PABPN1: variants seen among roughly 807,000 people sequenced by gnomAD.
PABPN1 encodes poly(A) binding protein nuclear 1.
Under a neutral mutation model 33.4 loss-of-function variants are expected in PABPN1, and 5 were observed. The observed-to-expected ratio is 0.15, with a 90% CI of 0.08 to 0.32. The LOEUF is 0.32. Among genes scored for constraint, PABPN1 ranks in the 10% least tolerant of loss-of-function variants. PABPN1 has a pLI of 1.00. For synonymous variants in PABPN1, 176 were observed against 170.6 expected (o/e 1.03, Z -0.25); for missense variants, 312 against 425.8 (o/e 0.73, Z 2.35).
At chr14:23,322,412 A>G (rs1053026923) in intron 2 of PABPN1, 117 bp downstream of exon 2, 4 of 883,716 alleles carry the variant, frequency 4.5e-6, no homozygotes, top group African/African-American at 3.3e-5. Flanking sequence ...CTGAGCTATT[A>G]TGACTGTGCC....
chr14:23,325,151 C>T, intron 6 of PABPN1, 96 bp from the exon 7 acceptor site: 1 of 1,543,502 alleles, frequency 6.5e-7, no homozygotes, highest in Non-Finnish European at 8.9e-7. Flanking sequence ...TTCCCCCCTT[C>T]CCTTCACAGT....
At position 23,324,270 on chromosome 14, in the gene PABPN1, C is replaced by A. The variant is rs772278345; in HGVS notation, c.862C>A (p.Pro288Thr). 1.2e-6 allele frequency: 2 copies of A among 1,613,438 alleles called. No homozygotes were observed. Among genetic ancestry groups the A allele is most frequent in the South Asian group, 1.1e-5 (1 of 91,078 alleles). Residue 288 changes from proline to threonine, a missense_variant, in exon 6 of 7, where the codon CCC becomes ACC. Coordinates refer to ENST00000216727, the MANE Select transcript of PABPN1 (RefSeq NM_004643.4). ...SRFYSGFNSR[P>T]RGRVYRGRAR... ...ATTCTACAGTGGTTTTAACAGCAGGCCCCGGGGTCGCGTCTACAGGTCAGG... is the reference window on the plus strand; with the variant it reads ...ATTCTACAGTGGTTTTAACAGCAGGACCCGGGGTCGCGTCTACAGGTCAGG...
At position 23,325,707 on chromosome 14, in the gene PABPN1, C is replaced by G; in HGVS notation, c.*421C>G. 5.8e-6 allele frequency: 1 copy of G among 171,328 alleles called. No homozygotes were observed. Among genetic ancestry groups the G allele is most frequent in the South Asian group, 1.3e-4 (1 of 7,644 alleles). 10.6% of individuals were successfully genotyped at this position (171,328 alleles called of 1,614,324 possible). A position where few individuals can be genotyped will look rare whatever the true frequency, so the allele number is the denominator to read the frequency against. ...TGTTACCTTCCCTCCGTCTTCTCCT[C>G]GCCTTTCACAGTCCCCTCCTGCCTG... is the stretch of plus-strand genomic sequence containing the variant. On this transcript the variant is annotated 3_prime_UTR_variant, in exon 7 of 7. Transcript: ENST00000216727.
chr14:23,321,846 G>A (rs1379458918), intron 1 of PABPN1, 26 bp downstream of exon 1: 1 of 1,444,836 alleles, frequency 6.9e-7, no homozygotes, highest in Non-Finnish European at 9.1e-7. Context: ...CGAGCGAGCA[G>A]GCCGGCGGCT....
chr14:23,322,235 C>T lies in PABPN1; in HGVS notation c.406C>T (p.Leu136=), dbSNP rs150610606. Residue 136 remains leucine, a synonymous_variant, in exon 2 of 7, where the codon CTA becomes TTA. Transcript: ENST00000216727. ...GGAGATGGAGGAAGAAGCTGAGAAGCTAAAGGAGCTACAGAACGAGGTAGA... is the reference window on the plus strand; with the variant it reads ...GGAGATGGAGGAAGAAGCTGAGAAGTTAAAGGAGCTACAGAACGAGGTAGA... ...VREMEEEAEK[L]KELQNEVEKQ... 8.7e-6 allele frequency: 14 copies of T among 1,610,832 alleles called. No individual in the cohort carries two copies. The East Asian group carries it at 2.9e-4, about 33-fold the overall frequency.
rs984484698 is a variant in PABPN1, at chr14:23,326,001, T to G, written c.*715T>G. 6.6e-5 allele frequency: 10 copies of G among 152,418 alleles called. No homozygotes were observed. The highest frequency in any genetic ancestry group is 2.1e-4 in the South Asian group (1 of 4,816). The allele number at this position is 152,418 out of a possible 1,614,324, so 9.4% of individuals were successfully genotyped here. A position where few individuals can be genotyped will look rare whatever the true frequency, so the allele number is the denominator to read the frequency against. On this transcript the variant is annotated 3_prime_UTR_variant, in exon 7 of 7. Transcript: ENST00000216727. ...TCAGTTGTTTTGTTTTTTTGTTTTT[T>G]TTTTTTTTCCTTTGCCTTTTTTCCC...
chr14:23,322,710 C>T, intron 2 of PABPN1: 2 of 502,686 alleles, frequency 4.0e-6, no homozygotes, highest in East Asian at 3.7e-5. Context: ...TTTGCTCACT[C>T]TTAAAAGCAT....
At position 23,322,204 on chromosome 14, in the gene PABPN1, A is replaced by T. The variant is rs1888358829; in HGVS notation, c.375A>T (p.Arg125=). 1.2e-6 allele frequency: 2 copies of T among 1,610,014 alleles called. No homozygotes were observed. The highest frequency in any genetic ancestry group is 1.7e-6 in the Non-Finnish European group (2 of 1,178,234). Residue 125 remains arginine (R), a synonymous_variant, in exon 2 of 7, where the codon CGA becomes CGT. Coordinates refer to ENST00000216727, the MANE Select transcript of PABPN1 (RefSeq NM_004643.4). ...EDPELEAIKA[R]VREMEEEAEK... ...AGGAGCTGGAAGCTATCAAAGCTCGAGTCAGGGAGATGGAGGAAGAAGCTG... is the reference window on the plus strand; with the variant it reads ...AGGAGCTGGAAGCTATCAAAGCTCGTGTCAGGGAGATGGAGGAAGAAGCTG...
Position 23,321,465 on chromosome 14 carries a change from C to T in PABPN1, c.-5C>T. On this transcript the variant is annotated 5_prime_UTR_variant, in exon 1 of 7. Coordinates refer to ENST00000216727, the MANE Select transcript of PABPN1 (RefSeq NM_004643.4). ...GCCGGGCGGCGGGCCCCAGTCTGAG[C>T]GGCGATGGCGGCGGCGGCGGCGGCG... is the stretch of plus-strand genomic sequence containing the variant. 1.7e-6 allele frequency: 2 copies of T among 1,150,784 alleles called. No individual in the cohort carries two copies. The highest frequency in any genetic ancestry group is 4.2e-5 in the South Asian group (1 of 23,736). The allele number at this position is 1,150,784 out of a possible 1,614,324, so 71.3% of individuals were successfully genotyped here. A position where few individuals can be genotyped will look rare whatever the true frequency, so the allele number is the denominator to read the frequency against.
At chr14:23,325,100 T>C in intron 6 of PABPN1, 147 bp from the exon 7 acceptor site, 2 of 1,065,340 alleles carry the variant, frequency 1.9e-6, no homozygotes. Flanking sequence ...TTACTATTTC[T>C]GGGATCATGG....
At position 23,325,978 on chromosome 14, in the gene PABPN1, AGTT is replaced by A. The variant is rs1279975209; in HGVS notation, c.*696_*698del. 1.5e-5 allele frequency: 2 copies of A among 131,088 alleles called. No individual in the cohort carries two copies. Among genetic ancestry groups the A allele is most frequent in the Admixed American group, 8.0e-5 (1 of 12,566 alleles). The allele number at this position is 131,088 out of a possible 1,614,324, so 8.1% of individuals were successfully genotyped here. A position where few individuals can be genotyped will look rare whatever the true frequency, so the allele number is the denominator to read the frequency against. Reference sequence around the variant, plus strand: ...GGGTTTAGGGGTGTTTTTGTTTTTCAGTTGTTTTGTTTTTTTGTTTTTTTTTTT... The same window carrying A: ...GGGTTTAGGGGTGTTTTTGTTTTTCAGTTTTGTTTTTTTGTTTTTTTTTTT... On this transcript the variant is annotated 3_prime_UTR_variant, in exon 7 of 7. Transcript: ENST00000216727.
At position 23,321,541 on chromosome 14, in the gene PABPN1, G is replaced by A. The variant is rs1888266211; in HGVS notation, c.72G>A (p.Arg24=). The change falls in exon 1 of 7, where the codon CGG becomes CGA. Residue 24 remains arginine (R), a synonymous_variant. Coordinates refer to ENST00000216727, the MANE Select transcript of PABPN1 (RefSeq NM_004643.4). The part of the protein sequence containing the change: ...AGGRGSGPGR[R]RHLVPGAGGE... ...GTCGGGGCTCCGGGCCGGGGCGGCG[G>A]CGCCATCTTGTGCCCGGGGCCGGTG... is the stretch of plus-strand genomic sequence containing the variant. The A allele has an allele frequency of 4.8e-5, 63 of 1,325,698 alleles. No individual in the cohort carries two copies. Among genetic ancestry groups the A allele is most frequent in the Non-Finnish European group, 6.0e-5 (62 of 1,031,140 alleles). 82.1% of individuals were successfully genotyped at this position (1,325,698 alleles called of 1,614,324 possible). A position where few individuals can be genotyped will look rare whatever the true frequency, so the allele number is the denominator to read the frequency against.
chr14:23,325,485 G>T lies in PABPN1; in HGVS notation c.*199G>T. Reference sequence around the variant, plus strand: ...GGACCTGCTTTGGGGAGTAGGGGAAGGCCCAGGGAGTGGGGCAGGGGGCTG... The same window carrying T: ...GGACCTGCTTTGGGGAGTAGGGGAATGCCCAGGGAGTGGGGCAGGGGGCTG... On this transcript the variant is annotated 3_prime_UTR_variant, in exon 7 of 7. Transcript: ENST00000216727. The T allele has an allele frequency of 1.5e-6, 1 of 685,248 alleles. No individual in the cohort carries two copies. The highest frequency in any genetic ancestry group is 2.4e-6 in the Non-Finnish European group (1 of 424,152). 42.4% of individuals were successfully genotyped at this position (685,248 alleles called of 1,614,324 possible).
chr14:23,321,771 A>G lies in PABPN1; in HGVS notation c.302A>G (p.Glu101Gly), dbSNP rs1354143353. 6.5e-7 allele frequency: 1 copy of G among 1,532,074 alleles called. No individual in the cohort carries two copies. The highest frequency in any genetic ancestry group is 8.8e-7 in the Non-Finnish European group (1 of 1,139,494). 94.9% of individuals were successfully genotyped at this position (1,532,074 alleles called of 1,614,324 possible). A position where few individuals can be genotyped will look rare whatever the true frequency, so the allele number is the denominator to read the frequency against. ...GAPGSQEEEE[E>G]PGLVEGDPGD... ...CCCGGCAGCCAAGAGGAGGAGGAGG[A>G]GCCGGGACTGGTCGAGGGTGACCCG... Residue 101 changes from glutamate to glycine, a missense_variant, in exon 1 of 7, where the codon GAG becomes GGG. Transcript: ENST00000216727.
At chr14:23,323,913 G>C in intron 4 of PABPN1, 52 bp from the exon 5 acceptor site, 1 of 1,593,804 alleles carries the variant, frequency 6.3e-7, no homozygotes, top group Non-Finnish European at 8.6e-7. Flanking sequence ...GGTTGAATTT[G>C]ACCTGTGAGG....
At position 23,322,041 on chromosome 14, in the gene PABPN1, C is replaced by T. The variant is rs1888338399; in HGVS notation, c.352-140C>T. 4.1e-6 allele frequency: 4 copies of T among 964,208 alleles called. No individual in the cohort carries two copies. In the South Asian group the frequency reaches 4.3e-5, roughly 10 times the overall value. 59.7% of individuals were successfully genotyped at this position (964,208 alleles called of 1,614,324 possible). On this transcript the variant is annotated intron_variant, in intron 1 of 6. Coordinates refer to ENST00000216727, the MANE Select transcript of PABPN1 (RefSeq NM_004643.4). ...CCTAGTGTTGTTCTAGAGAGGGTAG[C>T]TTTTCTTTTATCACGACCCTCGCAT...
chr14:23,324,695 A>G (rs886913087), intron 6 of PABPN1: 1 of 321,882 alleles, frequency 3.1e-6, no homozygotes, highest in African/African-American at 2.1e-5. Context: ...TTGGAAGAAT[A>G]CCAGAGGCTA....
intron 4 of PABPN1, 28 bp from the exon 5 acceptor site, chr14:23,323,937 A>G: frequency 6.2e-7 from 1 of 1,612,750 alleles, no homozygotes; most frequent in South Asian, 1.1e-5. Context: ...TTGTAACCTC[A>G]GAGAGATACA....
chr14:23,321,817 C>T lies in PABPN1; in HGVS notation c.348C>T (p.Asp116=). 1 of 1,481,808 alleles carries T rather than the reference C, an allele frequency of 6.7e-7. No individual in the cohort carries two copies. The highest frequency in any genetic ancestry group is 1.4e-5 in the African/African-American group (1 of 70,300). 91.8% of individuals were successfully genotyped at this position (1,481,808 alleles called of 1,614,324 possible). A position where few individuals can be genotyped will look rare whatever the true frequency, so the allele number is the denominator to read the frequency against. The change falls in exon 1 of 7, where the codon GAC becomes GAT. Residue 116 remains aspartate (D), a synonymous_variant. Transcript: ENST00000216727. ...ACCCGGGGGACGGCGCCATTGAGGA[C>T]CCGGTGAGGGAAGGAGGGCGAGCGA... ...EGDPGDGAIE[D]PELEAIKARV...
Sources: gnomAD v4.1 joint callset for allele counts on GRCh38, gnomAD v4.1.1 for gene constraint, MANE v1.5 for transcripts, NCBI Gene and HGNC (gene_info 2026-07-23, HGNC 2026-07-21) for gene names.